Variants in RBM47 observed in about 807,000 individuals in gnomAD.
The protein encoded by RBM47 is RNA-binding protein 47.
In RBM47, 21 loss-of-function variants were observed where a neutral mutation model predicts 47.1. That is an observed-to-expected ratio of 0.45 (90% CI 0.32 to 0.64). The LOEUF (loss-of-function observed/expected upper bound fraction) is 0.64. RBM47 is among the 30% of genes least tolerant of loss of function. The pLI, the probability that RBM47 is intolerant of heterozygous loss-of-function variation, is 0.05. For synonymous variants in RBM47, 375 were observed against 361.7 expected, an observed-to-expected ratio of 1.04 and a Z score of -0.42; for missense variants, 708 against 870.9, an observed-to-expected ratio of 0.81 and a Z score of 2.35.
At position 40,437,073 on chromosome 4, in the gene RBM47, C is replaced by CAAA. The variant is rs750922605; in HGVS notation, c.1124-429_1124-427dup. Reference sequence around the variant, plus strand: ...TGGGGAGCATGGTGAGACCCTGTCTCAAAAAAAAAAAAAAAAAATATATAT... The same window carrying CAAA: ...TGGGGAGCATGGTGAGACCCTGTCTCAAAAAAAAAAAAAAAAAAAAATATATAT... On this transcript the variant is annotated intron_variant, in intron 4 of 6. Coordinates refer to ENST00000295971, the MANE Select transcript of RBM47 (RefSeq NM_001098634.2). Among the ~76,000 whole-genome samples, 19 of 21,286 alleles carry CAAA rather than the reference C, an allele frequency of 8.9e-4. 5 individuals are homozygous for CAAA. The highest frequency in any genetic ancestry group is 2.2e-3 in the African/African-American group (10 of 4,468). 14.0% of individuals were successfully genotyped at this position (21,286 alleles called of 152,430 possible).
chr4:40,436,939 C>G, intron 4 of RBM47: 1 of 491,536 alleles, frequency 2.0e-6, no homozygotes, highest in Non-Finnish European at 3.9e-6. Flanking sequence ...CCCCTCCCCC[C>G]CGCCAAAAAA....
chr4:40,518,695 C>T (rs1280797578), intron 2 of RBM47, among the ~76,000 whole-genome samples: 1 of 152,098 alleles, frequency 6.6e-6, no homozygotes, highest in African/African-American at 2.4e-5. Flanking sequence ...ACACACCCTA[C>T]TGCCCAATCA....
intron 3 of RBM47, among the ~76,000 whole-genome samples, chr4:40,451,717 AAT>A (rs1715471616): frequency 6.6e-6 from 1 of 152,246 alleles, no homozygotes; most frequent in African/African-American, 2.4e-5. Context: ...TGGTAAAATA[AAT>A]GATTAAACAA....
intron 2 of RBM47, among the ~76,000 whole-genome samples, chr4:40,540,651 AAATAATAAT>A (rs199604091): frequency 8.5e-6 from 1 of 117,154 alleles, no homozygotes; most frequent in Non-Finnish European, 1.8e-5. Flanking sequence ...AAAAAAAAAA[AAATAATAAT>A]AATAATAATA....
intron 1 of RBM47, among the ~76,000 whole-genome samples, chr4:40,588,280 G>A (rs1252950173): frequency 6.6e-6 from 1 of 152,132 alleles, no homozygotes; most frequent in African/African-American, 2.4e-5. Flanking sequence ...GCTTCCCAGG[G>A]CTCTATCATT....
chr4:40,451,791 G>C (rs1230032833), intron 3 of RBM47, among the ~76,000 whole-genome samples: 1 of 152,180 alleles, frequency 6.6e-6, no homozygotes, highest in Non-Finnish European at 1.5e-5. Context: ...CACTGGCTGC[G>C]TATGAGGCTG....
intron 2 of RBM47, among the ~76,000 whole-genome samples, chr4:40,511,913 G>T (rs535914407): frequency 4.2e-4 from 62 of 148,388 alleles, no homozygotes; most frequent in African/African-American, 1.5e-3. Context: ...CCAGCCTGGG[G>T]GACACAGTAA....
intron 1 of RBM47, among the ~76,000 whole-genome samples, chr4:40,576,322 T>TA (rs1195103915): frequency 1.3e-5 from 2 of 149,488 alleles, no homozygotes; most frequent in African/African-American, 2.5e-5. Flanking sequence ...ATCAATTTTT[T>TA]AAAAAAATTT....
chr4:40,611,706 C>A (rs1001379030), intron 1 of RBM47, among the ~76,000 whole-genome samples: 9 of 151,754 alleles, frequency 5.9e-5, no homozygotes, highest in African/African-American at 1.7e-4. Flanking sequence ...CCAGCCTGGG[C>A]AACAAGAGCA....
At chr4:40,433,895 T>G (rs1711782765) in intron 5 of RBM47, among the ~76,000 whole-genome samples, 2 of 151,416 alleles carry the variant, frequency 1.3e-5, no homozygotes, top group South Asian at 4.1e-4. Context: ...AATTATGATT[T>G]CAACCAGAGA....
At chr4:40,484,166 A>G (rs1720786965) in intron 2 of RBM47, among the ~76,000 whole-genome samples, 4 of 152,246 alleles carry the variant, frequency 2.6e-5, no homozygotes, top group Non-Finnish European at 1.5e-5. Context: ...TAGTAATCAA[A>G]TGTAGAAAAA....
intron 2 of RBM47, among the ~76,000 whole-genome samples, chr4:40,515,269 A>G (rs1432665857): frequency 6.6e-6 from 1 of 152,170 alleles, no homozygotes; most frequent in Non-Finnish European, 1.5e-5. Context: ...GAGGGTGCCC[A>G]GGGATGATCT....
rs1470221782 is a variant in RBM47 at position 40,624,629 on chromosome 4, G to A, written c.-240+4767C>T. Among the ~76,000 whole-genome samples, 3 of 151,994 alleles carry A rather than the reference G, an allele frequency of 2.0e-5. No individual in the cohort carries two copies. The East Asian group carries it at 5.8e-4, about 29-fold the overall frequency. ...AAAACAAAAACAACAAAAACATTAG[G>A]CCATTGCATTTTCTGTTAATAAGAA... On this transcript the variant is annotated intron_variant, in intron 1 of 6. Transcript: ENST00000295971.
chr4:40,600,999 A>AAAAAAAAAAG (rs1338188731), intron 1 of RBM47, among the ~76,000 whole-genome samples: 1,617 of 146,924 alleles, frequency 0.011, 63 homozygotes, highest in African/African-American at 0.038. Flanking sequence ...AAAAAAAAAA[A>AAAAAAAAAAG]AAAGAAAGAA....
chr4:40,462,380 T>C (rs1430620542), intron 3 of RBM47, among the ~76,000 whole-genome samples: 3 of 152,220 alleles, frequency 2.0e-5, no homozygotes, highest in African/African-American at 4.8e-5. Flanking sequence ...TTATCTTCTA[T>C]AGCCCACAAT....
chr4:40,549,545 T>A (rs1339508518), intron 1 of RBM47, among the ~76,000 whole-genome samples: 1 of 144,900 alleles, frequency 6.9e-6, no homozygotes, highest in Admixed American at 7.1e-5. Flanking sequence ...TTTTTTGAGA[T>A]GAAGTCTCGC....
chr4:40,613,805 TAAAAAA>T (rs879754995), intron 1 of RBM47, among the ~76,000 whole-genome samples: 1 of 135,232 alleles, frequency 7.4e-6, no homozygotes, highest in Non-Finnish European at 1.6e-5. Flanking sequence ...AAATAAAACT[TAAAAAA>T]AAAAAAAAGG....
At chr4:40,446,885 T>C (rs937326002) in intron 3 of RBM47, among the ~76,000 whole-genome samples, 3 of 152,094 alleles carry the variant, frequency 2.0e-5, no homozygotes, top group Non-Finnish European at 4.4e-5. Flanking sequence ...AACCAGTCAG[T>C]AGAGAAGCCT....
intron 1 of RBM47, among the ~76,000 whole-genome samples, chr4:40,596,737 T>G (rs1042047778): frequency 6.6e-6 from 1 of 152,042 alleles, no homozygotes; most frequent in Non-Finnish European, 1.5e-5. Context: ...ACACACCATA[T>G]GTAGCACAGG....
Sources: gnomAD v4.1 joint callset for allele counts (sites outside exome capture counted in the v4.1 genomes callset) on GRCh38, gnomAD v4.1.1 for gene constraint, MANE v1.5 for transcripts, NCBI Gene and HGNC (gene_info 2026-07-23, HGNC 2026-07-21) for gene names.